The following SHROOM3 variants were observed in gnomAD, a reference collection of about 807,000 sequenced individuals.
The protein encoded by SHROOM3 is shroom family member 3.
A neutral mutation model predicts 138.6 loss-of-function variants in SHROOM3; 47 were observed. That is an observed-to-expected ratio of 0.34 (90% CI 0.27 to 0.43). The LOEUF (loss-of-function observed/expected upper bound fraction) is 0.43. Among genes scored for constraint, SHROOM3 ranks in the 20% least tolerant of loss-of-function variants. SHROOM3 has a pLI of 1.00. For missense variants in SHROOM3, 2,491 were observed against 2,596.5 expected (o/e 0.96, Z 0.88); for synonymous variants, 1,062 against 1,063.3 (o/e 1.00, Z 0.02).
chr4:76,686,474 AGAC>A (rs1374862480), intron 2 of SHROOM3, among the ~76,000 whole-genome samples: 1 of 152,224 alleles, frequency 6.6e-6, no homozygotes, highest in Non-Finnish European at 1.5e-5. Flanking sequence ...TAAATGTATT[AGAC>A]TTACATTGAA....
chr4:76,597,135 G>A (rs921517366), intron 2 of SHROOM3, among the ~76,000 whole-genome samples: 8 of 152,174 alleles, frequency 5.3e-5, no homozygotes, highest in Non-Finnish European at 1.2e-4. Flanking sequence ...CAGCAAAAGA[G>A]ACCACCCTAC....
At chr4:76,710,329 A>G (rs376383496) in intron 3 of SHROOM3, 42 bp downstream of exon 3, 123 of 1,611,526 alleles carry the variant, frequency 7.6e-5, no homozygotes, top group Non-Finnish European at 1.0e-4. Context: ...CGGAAAAAGA[A>G]CCCAGTCCAA....
rs186760626 is a variant in SHROOM3, at chr4:76,565,017, C to T, written c.323+9254C>T. Reference sequence around the variant, plus strand: ...TCTACTAAAGATACAAAAAATTAGCCGGGTGTGGTGGTGGGTGCCTGTAAT... The same window carrying T: ...TCTACTAAAGATACAAAAAATTAGCTGGGTGTGGTGGTGGGTGCCTGTAAT... On this transcript the variant is annotated intron_variant, in intron 2 of 10. Transcript: ENST00000296043. Among the ~76,000 whole-genome samples, 25 of 151,730 alleles carry T rather than the reference C, an allele frequency of 1.6e-4. No homozygotes were observed. In the East Asian group the frequency reaches 3.5e-3, roughly 21 times the overall value.
At position 76,739,020 on chromosome 4, in the gene SHROOM3, T is replaced by G. The variant is rs764886278; in HGVS notation, c.847T>G (p.Ser283Ala). Residue 283 changes from serine to alanine, a missense_variant, in exon 5 of 11, where the codon TCA (serine) becomes GCA (alanine). Ser to Ala is a moderately conservative substitution (Grantham distance 99). This residue lies in a region of SHROOM3 where 1,733 missense variants were observed against 1,661.6 expected (regional missense o/e 1.04). Coordinates refer to ENST00000296043, the MANE Select transcript of SHROOM3 (RefSeq NM_020859.4). Reference sequence around the variant, plus strand: ...CCCTGGCATCTCTGGCCGGGAGCGTTCAGGCTCCATGGACAATACTTCTGC... The same window carrying G: ...CCCTGGCATCTCTGGCCGGGAGCGTGCAGGCTCCATGGACAATACTTCTGC... ...PHPGISGRER[S>A]GSMDNTSARG... 9 of 1,614,202 alleles carry G rather than the reference T, an allele frequency of 5.6e-6. No homozygotes were observed. Among genetic ancestry groups the G allele is most frequent in the Non-Finnish European group, 6.8e-6 (8 of 1,180,028 alleles).
chr4:76,580,838 A>G (rs1353233295), intron 2 of SHROOM3, among the ~76,000 whole-genome samples: 1 of 152,226 alleles, frequency 6.6e-6, no homozygotes, highest in Non-Finnish European at 1.5e-5. Context: ...CAAAATATGT[A>G]TTTAATATCC....
In SHROOM3 at chr4:76,739,568, C is replaced by T; in HGVS notation, c.1395C>T (p.Thr465=). ...AACCTGGCCAACCTCTGCTGCCGAC[C>T]AGCATCTACCCGGTACCTTCCCTGG... ...KAQPGQPLLP[T]SIYPVPSLEP... is the part of the protein sequence containing the mutation. Residue 465 remains threonine (T), a synonymous_variant, in exon 5 of 11, where the codon ACC becomes ACT. Transcript: ENST00000296043. The T allele has an allele frequency of 6.2e-7, 1 of 1,614,210 alleles. No individual in the cohort carries two copies.
chr4:76,564,125 C>T (rs1190604961), intron 2 of SHROOM3, among the ~76,000 whole-genome samples: 1 of 152,216 alleles, frequency 6.6e-6, no homozygotes, highest in Non-Finnish European at 1.5e-5. Context: ...CCCTTCATTA[C>T]TTCACTCATC....
At chr4:76,531,368 G>A (rs1732825533) in intron 1 of SHROOM3, among the ~76,000 whole-genome samples, 1 of 152,164 alleles carries the variant, frequency 6.6e-6, no homozygotes, top group Admixed American at 6.5e-5. Flanking sequence ...AAAGAGCACA[G>A]TCTTTGTAGA....
chr4:76,684,945 C>T (rs1161045272), intron 2 of SHROOM3, among the ~76,000 whole-genome samples: 1 of 152,190 alleles, frequency 6.6e-6, no homozygotes, highest in Non-Finnish European at 1.5e-5. Flanking sequence ...ACATCTTCTT[C>T]TAGGACACCT....
At chr4:76,656,096 G>A (rs1340398193) in intron 2 of SHROOM3, among the ~76,000 whole-genome samples, 5 of 152,128 alleles carry the variant, frequency 3.3e-5, no homozygotes, top group Admixed American at 6.5e-5. Context: ...TGGTGAGGGC[G>A]CCAGGAGAGC....
intron 4 of SHROOM3, among the ~76,000 whole-genome samples, chr4:76,731,788 AAAC>A (rs1361957740): frequency 1.4e-5 from 2 of 146,410 alleles, no homozygotes; most frequent in Admixed American, 6.7e-5. Flanking sequence ...CTCAAAAAAA[AAAC>A]AAACAAACAA....
At chr4:76,641,232 C>G (rs1266150778) in intron 2 of SHROOM3, among the ~76,000 whole-genome samples, 1 of 152,172 alleles carries the variant, frequency 6.6e-6, no homozygotes, top group Non-Finnish European at 1.5e-5. Flanking sequence ...ACTTGAGTGC[C>G]TATCATTCAG....
intron 7 of SHROOM3, among the ~76,000 whole-genome samples, chr4:76,756,001 A>T (rs1187966979): frequency 6.6e-6 from 1 of 152,192 alleles, no homozygotes; most frequent in Non-Finnish European, 1.5e-5. Flanking sequence ...ACCTTTCAGA[A>T]ATCTCTGGAA....
chr4:76,754,130 A>G (rs913447012), intron 6 of SHROOM3, among the ~76,000 whole-genome samples, 181 bp from the exon 7 acceptor site: 7 of 152,202 alleles, frequency 4.6e-5, no homozygotes, highest in Non-Finnish European at 7.3e-5. Context: ...ATGCCTGCCT[A>G]GTACTGGTTT....
rs1476384979 is a variant in SHROOM3, at chr4:76,605,988, C to T, written c.323+50225C>T. On this transcript the variant is annotated intron_variant, in intron 2 of 10. Coordinates refer to ENST00000296043, the MANE Select transcript of SHROOM3 (RefSeq NM_020859.4). ...ATATATATACACATATACACACACACACATATATATATATATATATTTTTT... is the reference window on the plus strand; with the variant it reads ...ATATATATACACATATACACACACATACATATATATATATATATATTTTTT... Among the ~76,000 whole-genome samples the T allele has an allele frequency of 1.3e-4, 12 of 93,876 alleles. No homozygotes were observed. The East Asian group carries it at 1.8e-3, about 14-fold the overall frequency. The allele number at this position is 93,876 out of a possible 152,430, so 61.6% of individuals were successfully genotyped here. A position where few individuals can be genotyped will look rare whatever the true frequency, so the allele number is the denominator to read the frequency against.
intron 1 of SHROOM3, among the ~76,000 whole-genome samples, chr4:76,509,111 C>T (rs1261325510): frequency 6.6e-6 from 1 of 152,172 alleles, no homozygotes; most frequent in Non-Finnish European, 1.5e-5. Flanking sequence ...TGGAGGGACA[C>T]ATACATTCAA....
intron 2 of SHROOM3, among the ~76,000 whole-genome samples, chr4:76,651,401 AATATATATATATATAT>A (rs33994270): frequency 0.36 from 31,222 of 86,598 alleles, 5,439 homozygotes; most frequent in East Asian, 0.57. Flanking sequence ...GTAACCCATA[AATATATATATATATAT>A]ATATATATAT....
chr4:76,620,398 G>C (rs576039874), intron 2 of SHROOM3, among the ~76,000 whole-genome samples: 1 of 152,310 alleles, frequency 6.6e-6, no homozygotes, highest in African/African-American at 2.4e-5. Flanking sequence ...AGATGAGAAT[G>C]AATGGGATCC....
intron 2 of SHROOM3, among the ~76,000 whole-genome samples, chr4:76,584,249 C>T (rs943656872): frequency 2.5e-4 from 38 of 151,362 alleles, no homozygotes; most frequent in African/African-American, 9.0e-4. Flanking sequence ...ATCCGGGAGG[C>T]AGAGGTTGCA....
Sources: gnomAD v4.1 joint callset for allele counts (sites outside exome capture counted in the v4.1 genomes callset) on GRCh38, gnomAD v4.1.1 for gene constraint, gnomAD v4.1.1 regional missense constraint, MANE v1.5 for transcripts, NCBI Gene and HGNC (gene_info 2026-07-23, HGNC 2026-07-21) for gene names.